QSER1: variants seen among roughly 807,000 people sequenced by gnomAD.
QSER1 encodes glutamine and serine rich 1.
QSER1 carries 49 observed loss-of-function variants against 158.5 expected under a neutral mutation model. The ratio of observed to expected loss-of-function variants is 0.31; its 90% CI spans 0.25 to 0.39. The LOEUF (loss-of-function observed/expected upper bound fraction) is 0.39. QSER1 is among the 10% of genes least tolerant of loss of function. The probability of loss-of-function intolerance (pLI) is 1.00; values close to 1 mark genes in which losing one functional copy is unlikely to be tolerated. For synonymous variants in QSER1, 650 were observed against 715.5 expected, an observed-to-expected ratio of 0.91 and a Z score of 1.46; for missense variants, 1,754 against 2,010.3, an observed-to-expected ratio of 0.87 and a Z score of 2.44.
chr11:32,896,468 C>T (rs1851556984), intron 1 of QSER1, among the ~76,000 whole-genome samples: 1 of 152,130 alleles, frequency 6.6e-6, no homozygotes, highest in African/African-American at 2.4e-5. Flanking sequence ...AGTTCTCCTG[C>T]CTCAGCCTCC....
intron 3 of QSER1, 43 bp downstream of exon 3, chr11:32,928,166 T>C (rs1851999207): frequency 2.5e-6 from 3 of 1,192,086 alleles, no homozygotes; most frequent in Non-Finnish European, 3.8e-6. Context: ...ATAAAAATGC[T>C]GATGAAACAT....
At chr11:32,963,896 G>A (rs897377237) in intron 8 of QSER1, among the ~76,000 whole-genome samples, 1 of 151,788 alleles carries the variant, frequency 6.6e-6, no homozygotes, top group Admixed American at 6.6e-5. Context: ...TAAACTCCTG[G>A]CCTCAAGCCA....
chr11:32,892,843 G>C lies in QSER1; in HGVS notation c.-283G>C, dbSNP rs868446685. On this transcript the variant is annotated 5_prime_UTR_variant, in exon 1 of 13. Coordinates refer to ENST00000650167, the MANE Select transcript of QSER1 (RefSeq NM_001076786.3). The stretch of plus-strand genomic sequence containing the variant: ...GAAATCCACCAACATGGGGCGCAGC[G>C]GCCGCCGCCGCCGCCGCCGTCGCCG... 4.1e-5 allele frequency among the ~76,000 whole-genome samples: 6 copies of C among 144,876 alleles called. No individual in the cohort carries two copies. In the East Asian group the frequency reaches 6.4e-4, roughly 15 times the overall value.
chr11:32,964,735 T>TACAC (rs1176079108), intron 8 of QSER1, among the ~76,000 whole-genome samples: 1 of 116,656 alleles, frequency 8.6e-6, no homozygotes, highest in Non-Finnish European at 1.8e-5. Flanking sequence ...TATATATATA[T>TACAC]ATATACACAC....
intron 1 of QSER1, among the ~76,000 whole-genome samples, chr11:32,896,448 G>A (rs1266007595): frequency 1.1e-4 from 17 of 152,100 alleles, no homozygotes; most frequent in Non-Finnish European, 1.8e-4. Flanking sequence ...TCTGCCTCAC[G>A]GGTTCAAGCA....
chr11:32,923,005 T>A (rs984712637), intron 1 of QSER1, among the ~76,000 whole-genome samples: 6 of 152,194 alleles, frequency 3.9e-5, no homozygotes, highest in African/African-American at 1.4e-4. Context: ...TATGCACATG[T>A]GTATAGCAGC....
In QSER1 at chr11:32,957,915, C is replaced by T. The variant is rs1442437485; in HGVS notation, c.4798C>T (p.Leu1600=). The T allele has an allele frequency of 4.3e-6, 7 of 1,614,120 alleles. No homozygotes were observed. The part of the protein sequence containing the change: ...PSSSSKTSDP[L]ASKTTTTKAP... ...TAGTAGCAGTAAAACTTCTGATCCT[C>T]TAGCATCAAAAACTACAACTACAAA... Residue 1600 remains leucine (L), a synonymous_variant, in exon 8 of 13, where the codon CTA becomes TTA. Coordinates refer to ENST00000650167, the MANE Select transcript of QSER1 (RefSeq NM_001076786.3).
intron 1 of QSER1, among the ~76,000 whole-genome samples, chr11:32,923,263 CAG>C (rs1229071279): frequency 1.3e-5 from 2 of 152,172 alleles, no homozygotes; most frequent in Non-Finnish European, 2.9e-5. Flanking sequence ...AAGCAGAAAA[CAG>C]ATCTGGGGAC....
chr11:32,975,340 T>C lies in QSER1; in HGVS notation c.5451T>C (p.Asp1817=). The C allele has an allele frequency of 6.3e-7, 1 of 1,599,092 alleles. No individual in the cohort carries two copies. Among genetic ancestry groups the C allele is most frequent in the Non-Finnish European group, 8.6e-7 (1 of 1,167,382 alleles). The change falls in exon 12 of 13, where the codon GAT becomes GAC. Residue 1817 remains aspartate (D), a synonymous_variant. Transcript: ENST00000650167. ...ACCATGTTTATCTGATATGTAAGGA[T>C]GAGGTAATTTCTTCTCATTTACTTA... ...YKYHVYLICK[D]EISSVQKKNE...
intron 10 of QSER1, among the ~76,000 whole-genome samples, chr11:32,970,955 T>TTTC (rs1554932969): frequency 7.2e-6 from 1 of 138,538 alleles, no homozygotes; most frequent in East Asian, 2.1e-4. Flanking sequence ...GCTTTTTTTT[T>TTTC]TTTTTTTTTT....
chr11:32,930,068 A>T (rs951394091), intron 3 of QSER1, among the ~76,000 whole-genome samples: 1 of 152,204 alleles, frequency 6.6e-6, no homozygotes, highest in African/African-American at 2.4e-5. Context: ...ACTAAAACTG[A>T]ATCAATCCAT....
At chr11:32,954,658 G>C (rs559771056) in intron 5 of QSER1, among the ~76,000 whole-genome samples, 1 of 152,276 alleles carries the variant, frequency 6.6e-6, no homozygotes, top group African/African-American at 2.4e-5. Flanking sequence ...TGGGGTTTCT[G>C]TTTGCTTGCT....
chr11:32,963,322 A>G (rs1434202751), intron 8 of QSER1, among the ~76,000 whole-genome samples: 1 of 151,718 alleles, frequency 6.6e-6, no homozygotes, highest in Non-Finnish European at 1.5e-5. Flanking sequence ...TGTATTTTTT[A>G]GTAGAGACAA....
intron 3 of QSER1, among the ~76,000 whole-genome samples, chr11:32,930,332 G>GT (rs1173431275): frequency 6.6e-6 from 1 of 152,036 alleles, no homozygotes; most frequent in Non-Finnish European, 1.5e-5. Context: ...CTAGTTCAGT[G>GT]TATTATTTTA....
intron 8 of QSER1, among the ~76,000 whole-genome samples, chr11:32,963,236 A>C (rs1852659603): frequency 1.3e-5 from 2 of 150,136 alleles, no homozygotes; most frequent in South Asian, 4.2e-4. Flanking sequence ...GCTCACTGCA[A>C]CCTCAATATC....
At chr11:32,918,307 A>G (rs11032058) in intron 1 of QSER1, among the ~76,000 whole-genome samples, 14,663 of 152,226 alleles carry the variant, frequency 0.096, 949 homozygotes, top group Non-Finnish European at 0.14. Flanking sequence ...TACTATATAT[A>G]GTAAATACAT....
rs538954177 is a variant in QSER1 at position 32,906,094 on chromosome 11, C to T, written c.209+12760C>T. Among the ~76,000 whole-genome samples the T allele has an allele frequency of 4.8e-5, 7 of 144,472 alleles. No individual in the cohort carries two copies. In the South Asian group the frequency reaches 1.5e-3, roughly 32 times the overall value. 94.8% of individuals were successfully genotyped at this position (144,472 alleles called of 152,430 possible). A position where few individuals can be genotyped will look rare whatever the true frequency, so the allele number is the denominator to read the frequency against. On this transcript the variant is annotated intron_variant, in intron 1 of 12. Transcript: ENST00000650167. The stretch of plus-strand genomic sequence containing the variant: ...TTGATTTTCTCTACTATAAAAAAGA[C>T]TATTTTTTAGTTTTTTTTTTTTTTT...
At chr11:32,974,379 T>C (rs1178043509) in intron 11 of QSER1, among the ~76,000 whole-genome samples, 1 of 151,602 alleles carries the variant, frequency 6.6e-6, no homozygotes, top group Non-Finnish European at 1.5e-5. Flanking sequence ...TGAGCTGTGA[T>C]TGCACCCCTG....
intron 1 of QSER1, among the ~76,000 whole-genome samples, chr11:32,907,968 C>T (rs1425248236): frequency 6.6e-6 from 1 of 152,074 alleles, no homozygotes; most frequent in East Asian, 1.9e-4. Flanking sequence ...AGCATGGTGG[C>T]ATGCATCTGG....
Sources: gnomAD v4.1 joint callset for allele counts (sites outside exome capture counted in the v4.1 genomes callset) on GRCh38, gnomAD v4.1.1 for gene constraint, MANE v1.5 for transcripts, NCBI Gene and HGNC (gene_info 2026-07-23, HGNC 2026-07-21) for gene names.